Variants in NTRK2 observed in about 807,000 individuals in gnomAD.
NTRK2 encodes BDNF/NT-3 growth factors receptor.
NTRK2 carries 13 observed loss-of-function variants against 94.5 expected under a neutral mutation model. The observed-to-expected ratio is 0.14, with a 90% confidence interval of 0.09 to 0.22. NTRK2 has a LOEUF of 0.22. Among genes scored for constraint, NTRK2 ranks in the 10% least tolerant of loss-of-function variants. The probability of loss-of-function intolerance (pLI) is 1.00; values close to 1 mark genes in which losing one functional copy is unlikely to be tolerated. For synonymous variants in NTRK2, 372 were observed against 407.4 expected, an observed-to-expected ratio of 0.91 and a Z score of 1.05; for missense variants, 639 against 1,071.2, an observed-to-expected ratio of 0.60 and a Z score of 5.63.
At chr9:84,751,247 G>C (rs948570814) in intron 11 of NTRK2, among the ~76,000 whole-genome samples, 8 of 152,152 alleles carry the variant, frequency 5.3e-5, no homozygotes, top group African/African-American at 1.9e-4. Context: ...TCAGTAGAGA[G>C]AATAGTAAAA....
chr9:84,840,024 TTCCTCC>T (rs917410644), intron 12 of NTRK2, among the ~76,000 whole-genome samples: 3 of 151,982 alleles, frequency 2.0e-5, no homozygotes, highest in East Asian at 1.9e-4. Flanking sequence ...TTTCCCTTTC[TTCCTCC>T]TCCTCCTCCT....
intron 12 of NTRK2, among the ~76,000 whole-genome samples, chr9:84,843,025 C>T (rs1193629027): frequency 1.3e-5 from 2 of 152,196 alleles, no homozygotes; most frequent in African/African-American, 4.8e-5. Flanking sequence ...CATTTGCTGT[C>T]TGTGTGGCTG....
At chr9:84,925,944 T>C (rs953548352) in intron 14 of NTRK2, among the ~76,000 whole-genome samples, 1 of 151,938 alleles carries the variant, frequency 6.6e-6, no homozygotes, top group Admixed American at 6.6e-5. Context: ...AGACCTAAGA[T>C]GCCATGTAGT....
intron 12 of NTRK2, among the ~76,000 whole-genome samples, chr9:84,790,063 C>T (rs565125961): frequency 2.9e-4 from 44 of 152,268 alleles, no homozygotes; most frequent in African/African-American, 1.0e-3. Flanking sequence ...TGAGAAGGGA[C>T]ATTTTTTAGT....
At chr9:84,672,600 G>A (rs2058769291) in intron 2 of NTRK2, among the ~76,000 whole-genome samples, 1 of 152,108 alleles carries the variant, frequency 6.6e-6, no homozygotes, top group African/African-American at 2.4e-5. Context: ...GTGTGTGTGT[G>A]GTGGTGCTTT....
At position 84,696,076 on chromosome 9, in the gene NTRK2, C is replaced by T. The variant is rs1250125640; in HGVS notation, c.213-6083C>T. On this transcript the variant is annotated intron_variant, in intron 2 of 18. Transcript: ENST00000277120. ...CAGGCTGGAGTGCAGTTGGCGCTAT[C>T]ATGGCTCACTGTAGCCTTAACTTCT... is the stretch of plus-strand genomic sequence containing the variant. Among the ~76,000 whole-genome samples, 4 of 152,230 alleles carry T rather than the reference C, an allele frequency of 2.6e-5. No individual in the cohort carries two copies. In the East Asian group the frequency reaches 7.7e-4, roughly 29 times the overall value.
At chr9:84,733,251 C>T (rs1171657459) in intron 9 of NTRK2, among the ~76,000 whole-genome samples, 1 of 152,190 alleles carries the variant, frequency 6.6e-6, no homozygotes, top group Non-Finnish European at 1.5e-5. Context: ...TTCTCTCCTT[C>T]CGGGGATATC....
intron 12 of NTRK2, among the ~76,000 whole-genome samples, chr9:84,786,621 C>CA: frequency 6.6e-6 from 1 of 152,072 alleles, no homozygotes; most frequent in South Asian, 2.1e-4. Context: ...GGGGGAAAAA[C>CA]AAAAACCCTA....
intron 12 of NTRK2, among the ~76,000 whole-genome samples, chr9:84,757,615 C>T (rs1290559350): frequency 6.6e-6 from 1 of 152,146 alleles, no homozygotes; most frequent in Non-Finnish European, 1.5e-5. Context: ...TGTAATGGGA[C>T]AATACTAATA....
chr9:84,697,110 A>G (rs2060428713), intron 2 of NTRK2, among the ~76,000 whole-genome samples: 1 of 152,164 alleles, frequency 6.6e-6, no homozygotes, highest in African/African-American at 2.4e-5. Context: ...AGGAGTACCA[A>G]ATGAAACAAA....
Position 84,867,163 on chromosome 9 carries a change from TG to T in NTRK2, c.1445-77del, listed in dbSNP as rs144119397. 796 of 1,370,336 alleles carry T rather than the reference TG, an allele frequency of 5.8e-4. 8 individuals are homozygous for T. The East Asian group carries it at 0.015, about 25-fold the overall frequency. 84.9% of individuals were successfully genotyped at this position (1,370,336 alleles called of 1,614,324 possible). On this transcript the variant is annotated intron_variant, in intron 13 of 18. Coordinates refer to ENST00000277120, the MANE Select transcript of NTRK2 (RefSeq NM_006180.6). ...AACCCACTGAATTGTATACTTTAAA[TG>T]GGTAAATTTTATGTATGTGAATTAC...
intron 17 of NTRK2, among the ~76,000 whole-genome samples, chr9:85,001,255 C>T (rs537656822): frequency 6.6e-6 from 1 of 152,270 alleles, no homozygotes; most frequent in African/African-American, 2.4e-5. Context: ...TTGTCATTCT[C>T]TTTTCTGTTG....
chr9:84,937,531 A>G (rs2132754730), intron 15 of NTRK2, among the ~76,000 whole-genome samples: 1 of 152,316 alleles, frequency 6.6e-6, no homozygotes, highest in South Asian at 2.1e-4. Context: ...ACTTGAGGGC[A>G]CACAGAGCTG....
chr9:84,941,401 G>A (rs554158761), intron 15 of NTRK2, among the ~76,000 whole-genome samples: 1 of 152,206 alleles, frequency 6.6e-6, no homozygotes, highest in East Asian at 1.9e-4. Context: ...AATCACTTTG[G>A]TGACCCTCAT....
chr9:84,897,290 C>T (rs1015746868), intron 14 of NTRK2, among the ~76,000 whole-genome samples: 2 of 152,184 alleles, frequency 1.3e-5, no homozygotes, highest in East Asian at 1.9e-4. Context: ...GCACGCACCA[C>T]CACACCCAGC....
chr9:84,729,114 A>G (rs888560863), intron 9 of NTRK2, among the ~76,000 whole-genome samples: 3 of 152,170 alleles, frequency 2.0e-5, no homozygotes, highest in Non-Finnish European at 4.4e-5. Context: ...GGGCCCCCCC[A>G]CCAGCAAAGG....
intron 17 of NTRK2, among the ~76,000 whole-genome samples, chr9:84,969,472 C>T (rs1825938242): frequency 6.6e-6 from 1 of 152,160 alleles, no homozygotes; most frequent in African/African-American, 2.4e-5. Flanking sequence ...AAATAATGTT[C>T]TGCATGCAAA....
At chr9:84,714,253 C>T (rs1342967850) in intron 6 of NTRK2, among the ~76,000 whole-genome samples, 1 of 152,072 alleles carries the variant, frequency 6.6e-6, no homozygotes, top group African/African-American at 2.4e-5. Flanking sequence ...CTTCTCCATA[C>T]GGGGTTTGCT....
chr9:84,689,369 G>A (rs928980353), intron 2 of NTRK2, among the ~76,000 whole-genome samples: 4 of 152,258 alleles, frequency 2.6e-5, no homozygotes, highest in South Asian at 2.1e-4. Flanking sequence ...TGTGCTGAGC[G>A]ATCACAAGTG....
Sources: allele counts gnomAD v4.1 joint callset (sites outside exome capture counted in the v4.1 genomes callset), GRCh38; gene constraint gnomAD v4.1.1; transcripts MANE v1.5; gene names NCBI Gene and HGNC (gene_info 2026-07-23, HGNC 2026-07-21).